Variants in BAZ2B observed in about 807,000 individuals in gnomAD.
The protein encoded by BAZ2B is bromodomain adjacent to zinc finger domain protein 2B.
In BAZ2B, 91 loss-of-function variants were observed where a neutral mutation model predicts 246.0. That is an observed-to-expected ratio of 0.37 (90% confidence interval 0.31 to 0.44). BAZ2B has a LOEUF of 0.44. BAZ2B is among the 20% of genes least tolerant of loss of function. BAZ2B has a pLI of 1.00. For synonymous variants in BAZ2B, 855 were observed against 860.0 expected, an observed-to-expected ratio of 0.99 and a Z score of 0.10; for missense variants, 2,332 against 2,533.7, an observed-to-expected ratio of 0.92 and a Z score of 1.71.
intron 13 of BAZ2B, among the ~76,000 whole-genome samples, chr2:159,421,649 C>A (rs954664605): frequency 6.6e-6 from 1 of 152,032 alleles, no homozygotes; most frequent in African/African-American, 2.4e-5. Context: ...ATATTTTCAA[C>A]AATTGCTTGC....
rs1025666614 is a variant in BAZ2B at position 159,576,554 on chromosome 2, A to G, written c.-45-20689T>C. Among the ~76,000 whole-genome samples the G allele has an allele frequency of 3.3e-5, 5 of 151,106 alleles. 1 individual carries two copies. In the South Asian group the frequency reaches 1.0e-3, roughly 32 times the overall value. ...TTTAAAAAAAAAAAAAAAAGAACCC[A>G]GAATTGGTAGTTTTAGAGTGAGTGT... On this transcript the variant is annotated intron_variant, in intron 1 of 36. Coordinates refer to ENST00000392783, the MANE Select transcript of BAZ2B (RefSeq NM_013450.4).
chr2:159,530,161 AATATT>A (rs1335733011), intron 2 of BAZ2B, among the ~76,000 whole-genome samples: 1 of 152,204 alleles, frequency 6.6e-6, no homozygotes, highest in Non-Finnish European at 1.5e-5. Context: ...GACTACCTAT[AATATT>A]GAAAGTAGTA....
intron 27 of BAZ2B, among the ~76,000 whole-genome samples, chr2:159,350,963 C>T (rs888448433): frequency 2.0e-5 from 3 of 151,992 alleles, no homozygotes; most frequent in Non-Finnish European, 2.9e-5. Flanking sequence ...TGCTAGATGA[C>T]GAGTTAGTGG....
chr2:159,628,564 T>C, the BAZ2B span, among the ~76,000 whole-genome samples: 1 of 152,152 alleles, frequency 6.6e-6, no homozygotes, highest in African/African-American at 2.4e-5. Context: ...AAAGAAGCAA[T>C]GGGGAAAGGA....
At chr2:159,488,084 T>A (rs1218558530) in intron 2 of BAZ2B, among the ~76,000 whole-genome samples, 1 of 152,116 alleles carries the variant, frequency 6.6e-6, no homozygotes, top group African/African-American at 2.4e-5. Context: ...TTTTATTTTT[T>A]AATTTTTTAG....
chr2:159,671,886 A>G, the BAZ2B span, among the ~76,000 whole-genome samples: 1 of 151,898 alleles, frequency 6.6e-6, no homozygotes, highest in East Asian at 1.9e-4. Context: ...TTGTTCCACA[A>G]CTCTTAGAAT....
At chr2:159,552,587 G>A (rs59181355) in intron 2 of BAZ2B, among the ~76,000 whole-genome samples, 7,247 of 152,196 alleles carry the variant, frequency 0.048, 263 homozygotes, top group African/African-American at 0.1. Context: ...ACACAGTGAC[G>A]TTAGTACTTG....
At chr2:159,666,195 G>C in the BAZ2B span, among the ~76,000 whole-genome samples, 2 of 150,586 alleles carry the variant, frequency 1.3e-5, no homozygotes, top group Non-Finnish European at 3.0e-5. Flanking sequence ...TGTTTTCAAA[G>C]AGCAAAAGTT....
In BAZ2B at chr2:159,410,680, T is replaced by C. The variant is rs190600639; in HGVS notation, c.2677+1655A>G. On this transcript the variant is annotated intron_variant, in intron 14 of 36. Coordinates refer to ENST00000392783, the MANE Select transcript of BAZ2B (RefSeq NM_013450.4). ...GAATAGACTAATACACATACTAAGA[T>C]AAAAAATTTATATGATAACTGCTAG... Among the ~76,000 whole-genome samples the C allele has an allele frequency of 9.7e-4, 148 of 152,282 alleles. 2 individuals are homozygous for C. Among genetic ancestry groups the C allele is most frequent in the South Asian group, 6.2e-4 (3 of 4,824 alleles).
At chr2:159,604,309 T>C (rs1692877620) in intron 1 of BAZ2B, among the ~76,000 whole-genome samples, 2 of 152,272 alleles carry the variant, frequency 1.3e-5, no homozygotes, top group Non-Finnish European at 2.9e-5. Context: ...AGTCTTACTA[T>C]GTTGCTCTGG....
At chr2:159,397,657 G>A (rs894266512) in intron 18 of BAZ2B, among the ~76,000 whole-genome samples, 3 of 152,016 alleles carry the variant, frequency 2.0e-5, no homozygotes, top group Non-Finnish European at 4.4e-5. Flanking sequence ...AAAATTTAAC[G>A]AATGACTGAC....
chr2:159,344,935 C>T (rs754513578), intron 31 of BAZ2B, among the ~76,000 whole-genome samples: 4 of 151,976 alleles, frequency 2.6e-5, no homozygotes, highest in Non-Finnish European at 5.9e-5. Flanking sequence ...ACTGGCTGGG[C>T]GCAGTGGCTC....
intron 1 of BAZ2B, among the ~76,000 whole-genome samples, chr2:159,602,132 G>A (rs1692301867): frequency 6.6e-6 from 1 of 152,036 alleles, no homozygotes; most frequent in South Asian, 2.1e-4. Flanking sequence ...CATGCATAAA[G>A]ATTTCAGTTT....
At chr2:159,598,351 T>C (rs1691268896) in intron 1 of BAZ2B, among the ~76,000 whole-genome samples, 1 of 152,214 alleles carries the variant, frequency 6.6e-6, no homozygotes, top group Admixed American at 6.5e-5. Flanking sequence ...TTACTTGATA[T>C]GTTACTCTCA....
At chr2:159,366,098 T>C (rs1388641848) in intron 27 of BAZ2B, among the ~76,000 whole-genome samples, 1 of 152,200 alleles carries the variant, frequency 6.6e-6, no homozygotes, top group Non-Finnish European at 1.5e-5. Flanking sequence ...TGGCCCTCCA[T>C]TAACTCTTCC....
chr2:159,477,810 T>C (rs2078782786), intron 3 of BAZ2B, among the ~76,000 whole-genome samples: 2 of 152,148 alleles, frequency 1.3e-5, no homozygotes, highest in African/African-American at 4.8e-5. Flanking sequence ...TTAAAGAAAA[T>C]TGAGGATATT....
At chr2:159,471,599 C>G (rs1055428337) in intron 3 of BAZ2B, among the ~76,000 whole-genome samples, 2 of 152,030 alleles carry the variant, frequency 1.3e-5, no homozygotes, top group Non-Finnish European at 2.9e-5. Context: ...CTGGCTCCCC[C>G]TAAAAAGAAG....
At chr2:159,325,062 A>ATATATATATAT (rs1558941959) in intron 35 of BAZ2B, 108 bp from the exon 36 acceptor site, 2 of 4,568 alleles carry the variant, frequency 4.4e-4, no homozygotes, top group African/African-American at 1.8e-3. Flanking sequence ...TATATATATT[A>ATATATATATAT]TATATATATA....
the BAZ2B span, among the ~76,000 whole-genome samples, chr2:159,706,950 T>G: frequency 0.015 from 2,214 of 152,328 alleles, 38 homozygotes; most frequent in African/African-American, 0.05. Flanking sequence ...AAAGAAATTC[T>G]GCCTTAAGAA....
Sources: gnomAD v4.1 joint callset for allele counts (sites outside exome capture counted in the v4.1 genomes callset) on GRCh38, gnomAD v4.1.1 for gene constraint, MANE v1.5 for transcripts, NCBI Gene and HGNC (gene_info 2026-07-23, HGNC 2026-07-21) for gene names.